The following CPS1 variants were observed in gnomAD, a reference collection of about 807,000 sequenced individuals.
The protein encoded by CPS1 is carbamoyl-phosphate synthase [ammonia], mitochondrial.
CPS1 carries 109 observed loss-of-function variants against 174.6 expected under a neutral mutation model. The ratio of observed to expected loss-of-function variants is 0.62; its 90% CI spans 0.53 to 0.73. CPS1 has a LOEUF of 0.73. Among genes scored for constraint, CPS1 ranks in the 30% least tolerant of loss-of-function variants. The pLI is 0.00. For synonymous variants in CPS1, 637 were observed against 632.0 expected (o/e 1.01, Z -0.12); for missense variants, 1,689 against 1,821.9 (o/e 0.93, Z 1.33).
intron 1 of CPS1, among the ~76,000 whole-genome samples, chr2:210,531,840 C>T (rs1249407669): frequency 3.3e-5 from 5 of 152,092 alleles, no homozygotes; most frequent in African/African-American, 1.2e-4. Context: ...TTGTGTGGTA[C>T]ATGGTTTTCT....
At chr2:210,629,563 C>T (rs1699800726) in intron 21 of CPS1, among the ~76,000 whole-genome samples, 2 of 151,666 alleles carry the variant, frequency 1.3e-5, no homozygotes, top group Non-Finnish European at 2.9e-5. Flanking sequence ...GATCCGCCCG[C>T]CTCGGCCTCT....
At chr2:210,582,547 C>T in intron 5 of CPS1, 70 bp from the exon 6 acceptor site, 1 of 1,139,600 alleles carries the variant, frequency 8.8e-7, no homozygotes, top group Non-Finnish European at 1.3e-6. Context: ...TTTAAAGTCC[C>T]TGTGAGTTTA....
At chr2:210,538,623 C>A (rs1335755937) in intron 1 of CPS1, among the ~76,000 whole-genome samples, 1 of 152,052 alleles carries the variant, frequency 6.6e-6, no homozygotes, top group Non-Finnish European at 1.5e-5. Flanking sequence ...CCTTTGACAT[C>A]AGTGGGGATG....
At chr2:210,626,248 G>A (rs1025310310) in intron 21 of CPS1, among the ~76,000 whole-genome samples, 1 of 152,010 alleles carries the variant, frequency 6.6e-6, no homozygotes, top group Non-Finnish European at 1.5e-5. Context: ...ATTGATATAT[G>A]GTGCTTTGTA....
At chr2:210,552,016 C>G (rs116162448), upstream of CPS1, among the ~76,000 whole-genome samples, 1 of 152,100 alleles carries the variant, frequency 6.6e-6, no homozygotes, top group African/African-American at 2.4e-5. Context: ...CACTTTCCCT[C>G]AGAGATGCCT....
intron 1 of CPS1, among the ~76,000 whole-genome samples, chr2:210,557,704 A>G (rs1574521343): frequency 6.6e-6 from 1 of 152,126 alleles, no homozygotes; most frequent in African/African-American, 2.4e-5. Context: ...AGCTTTAGAT[A>G]TATTGCTTCT....
chr2:210,611,065 A>T (rs1559105605), intron 19 of CPS1, among the ~76,000 whole-genome samples: 1 of 151,912 alleles, frequency 6.6e-6, no homozygotes, highest in Non-Finnish European at 1.5e-5. Context: ...ATCTATAAAC[A>T]TATTGTCTAA....
chr2:210,477,967 T>A lies in CPS1; in HGVS notation c.3+201T>A, dbSNP rs192055538. Among the ~76,000 whole-genome samples, 19 of 152,346 alleles carry A rather than the reference T, an allele frequency of 1.2e-4. No individual in the cohort carries two copies. The Middle Eastern group carries it at 0.01, about 82-fold the overall frequency. On this transcript the variant is annotated intron_variant, in intron 1 of 38. Coordinates refer to the CPS1 transcript ENST00000430249. ...AGCAAGGCAGGATGGTAATTGTATA[T>A]TTTCATAGTATGCCTCTATCTTATT... is the stretch of plus-strand genomic sequence containing the variant.
upstream of CPS1, among the ~76,000 whole-genome samples, chr2:210,553,443 C>T (rs1696781296): frequency 6.6e-6 from 1 of 151,714 alleles, no homozygotes; most frequent in South Asian, 2.1e-4. Flanking sequence ...CTAAATGCTT[C>T]TATTTTTTAA....
chr2:210,492,024 G>A (rs1457909218), intron 1 of CPS1, among the ~76,000 whole-genome samples: 1 of 152,194 alleles, frequency 6.6e-6, no homozygotes, highest in Non-Finnish European at 1.5e-5. Context: ...GAACCTGGTG[G>A]CTGGGCAGAA....
intron 21 of CPS1, chr2:210,618,100 C>G (rs558156389): frequency 6.6e-6 from 1 of 151,934 alleles, no homozygotes; most frequent in African/African-American, 2.4e-5. Flanking sequence ...GGTTGAGATT[C>G]TAACTAAGCA....
At chr2:210,642,767 C>T in intron 25 of CPS1, 102 bp downstream of exon 25, 1 of 1,104,684 alleles carries the variant, frequency 9.1e-7, no homozygotes. Flanking sequence ...ATAGTAATTC[C>T]TCTTAGAAGA....
chr2:210,666,763 T>A (rs1222597417), intron 33 of CPS1, among the ~76,000 whole-genome samples: 1 of 152,230 alleles, frequency 6.6e-6, no homozygotes, highest in Non-Finnish European at 1.5e-5. Flanking sequence ...GGTAGGGTGA[T>A]GCCTCCAGCT....
chr2:210,608,294 T>G, intron 18 of CPS1, 67 bp from the exon 19 acceptor site: 2 of 1,449,978 alleles, frequency 1.4e-6, no homozygotes, highest in Non-Finnish European at 1.9e-6. Flanking sequence ...GAAAGACCAA[T>G]TTATGTTTTG....
chr2:210,493,053 G>A (rs1256456381), intron 1 of CPS1, among the ~76,000 whole-genome samples: 9 of 152,110 alleles, frequency 5.9e-5, no homozygotes, highest in Admixed American at 4.6e-4. Flanking sequence ...ATAATACCGT[G>A]TTTTGGTGCC....
chr2:210,653,900 T>G (rs1485072418), intron 28 of CPS1, 125 bp from the exon 29 acceptor site: 10 of 758,868 alleles, frequency 1.3e-5, no homozygotes, highest in Admixed American at 2.0e-5. Flanking sequence ...TATGTAGTTA[T>G]GTTCAGCCTT....
intron 34 of CPS1, chr2:210,671,750 C>T (rs933169650): frequency 2.6e-5 from 4 of 152,190 alleles, no homozygotes; most frequent in Non-Finnish European, 5.9e-5. Flanking sequence ...TGGCTGGGAA[C>T]TGTCGATACT....
chr2:210,616,998 G>T (rs147254730), intron 21 of CPS1, among the ~76,000 whole-genome samples: 1 of 151,776 alleles, frequency 6.6e-6, no homozygotes, highest in African/African-American at 2.4e-5. Context: ...TTCCTTTTGC[G>T]CTCTACTGTT....
chr2:210,637,789 G>A lies in CPS1; in HGVS notation c.2775G>A (p.Glu925=), dbSNP rs746060618. The change falls in exon 22 of 38, where the codon GAG becomes GAA. Residue 925 remains glutamate, a synonymous_variant. Coordinates refer to ENST00000233072, the MANE Select transcript of CPS1 (RefSeq NM_001875.5). ...TTTCAAAATGCCTTGGGCTCACTGA[G>A]GCCCAGACAAGGGAGCTGAGGTTAA... The part of the protein sequence containing the change: ...KQISKCLGLT[E]AQTRELRLKK... 1.2e-6 allele frequency: 2 copies of A among 1,613,950 alleles called. No homozygotes were observed. The highest frequency in any genetic ancestry group is 2.2e-5 in the East Asian group (1 of 44,870).
Sources: gnomAD v4.1 joint callset for allele counts (sites outside exome capture counted in the v4.1 genomes callset) on GRCh38, gnomAD v4.1.1 for gene constraint, MANE v1.5 for transcripts, NCBI Gene and HGNC (gene_info 2026-07-23, HGNC 2026-07-21) for gene names.